Variants in BCAS3 observed in about 807,000 individuals in gnomAD.
The protein encoded by BCAS3 is BCAS4/BCAS3 fusion.
Under a neutral mutation model 116.1 loss-of-function variants are expected in BCAS3, and 53 were observed. The ratio of observed to expected loss-of-function variants is 0.46; its 90% CI spans 0.37 to 0.57. BCAS3 has a LOEUF of 0.57. Among genes scored for constraint, BCAS3 ranks in the 20% least tolerant of loss-of-function variants. The pLI is 0.00. For missense variants in BCAS3, 917 were observed against 1,165.4 expected (o/e 0.79, Z 3.10); for synonymous variants, 391 against 408.2 (o/e 0.96, Z 0.51).
rs1300414298 is a variant in BCAS3 at position 61,105,029 on chromosome 17, C to T, written c.2425+20465C>T. ...TACTTCAGGTAACCTCCGTGGGTTT[C>T]CTCACTGCTGTTGGCTCAGCTGTGG... On this transcript the variant is annotated intron_variant, in intron 22 of 23. Coordinates refer to ENST00000407086, the MANE Select transcript of BCAS3 (RefSeq NM_017679.5). The surrounding 1 kb of genome is among the most constrained non-coding windows in gnomAD (Gnocchi z 4.3). Among the ~76,000 whole-genome samples the T allele has an allele frequency of 6.6e-6, 1 of 152,202 alleles. No homozygotes were observed. The highest frequency in any genetic ancestry group is 2.4e-5 in the African/African-American group (1 of 41,450).
In BCAS3 at chr17:61,069,994, A is replaced by G. The variant is rs893137910; in HGVS notation, c.2030-4926A>G. On this transcript the variant is annotated intron_variant, in intron 19 of 23. Coordinates refer to ENST00000407086, the MANE Select transcript of BCAS3 (RefSeq NM_017679.5). ...CAGCCACAAAAAGAAGAAGATCCGCACGTCACCCACCTTCCGGCAGCCGAA... is the reference window on the plus strand; with the variant it reads ...CAGCCACAAAAAGAAGAAGATCCGCGCGTCACCCACCTTCCGGCAGCCGAA... The G allele has an allele frequency of 3.8e-6, 6 of 1,590,706 alleles. No individual in the cohort carries two copies. In the Admixed American group the frequency reaches 1.0e-4, roughly 27 times the overall value.
At chr17:60,952,769 C>G (rs1341047119) in intron 14 of BCAS3, among the ~76,000 whole-genome samples, 1 of 152,024 alleles carries the variant, frequency 6.6e-6, no homozygotes, top group Non-Finnish European at 1.5e-5. Flanking sequence ...CTCCCTCCTT[C>G]CATCTTCCAC....
intron 7 of BCAS3, among the ~76,000 whole-genome samples, chr17:60,824,092 CTT>C (rs1159347419): frequency 6.6e-6 from 1 of 152,078 alleles, no homozygotes; most frequent in African/African-American, 2.4e-5. Context: ...ATTCATTTTT[CTT>C]TCTCTTGAGT....
rs1472727875 is a variant in BCAS3, at chr17:61,365,505, T to C, written c.2426-2822T>C. ...CCCGCCACCATGCCCAGCTAACTTTTGTATTTTTAGTCGAGATGGCGTTTC... is the reference window on the plus strand; with the variant it reads ...CCCGCCACCATGCCCAGCTAACTTTCGTATTTTTAGTCGAGATGGCGTTTC... On this transcript the variant is annotated intron_variant, in intron 22 of 23. Transcript: ENST00000407086. The surrounding 1 kb of genome is among the most constrained non-coding windows in gnomAD (Gnocchi z 4.6). 1.3e-5 allele frequency among the ~76,000 whole-genome samples: 2 copies of C among 152,150 alleles called. No individual in the cohort carries two copies. The highest frequency in any genetic ancestry group is 6.5e-5 in the Admixed American group (1 of 15,276).
intron 4 of BCAS3, among the ~76,000 whole-genome samples, chr17:60,693,434 A>G (rs1263774172): frequency 6.6e-6 from 1 of 151,100 alleles, no homozygotes; most frequent in Non-Finnish European, 1.5e-5. Context: ...TTTTTGACAG[A>G]GTCTCACTTT....
At chr17:60,873,454 T>C (rs1042781849) in intron 8 of BCAS3, among the ~76,000 whole-genome samples, 1 of 152,192 alleles carries the variant, frequency 6.6e-6, no homozygotes, top group Non-Finnish European at 1.5e-5. Context: ...AATAAGCTAT[T>C]AGTTTGTTAA....
At position 61,387,247 on chromosome 17, in the gene BCAS3, G is replaced by C. The variant is rs1185350693; in HGVS notation, c.2594-4730G>C. 6.6e-6 allele frequency among the ~76,000 whole-genome samples: 1 copy of C among 152,212 alleles called. No homozygotes were observed. Among genetic ancestry groups the C allele is most frequent in the Admixed American group, 6.5e-5 (1 of 15,282 alleles). On this transcript the variant is annotated intron_variant, in intron 23 of 23. Transcript: ENST00000407086. This position sits in a 1 kb window ranked among gnomAD's most constrained non-coding sequence, Gnocchi z 6.2. ...CTGCACTGTGGGTGGAGGTGCATGGGCCCATGCTGCACGGCCCAGCTCAGG... is the reference window on the plus strand; with the variant it reads ...CTGCACTGTGGGTGGAGGTGCATGGCCCCATGCTGCACGGCCCAGCTCAGG...
rs1045881947 is a variant in BCAS3 at position 61,235,713 on chromosome 17, AAGG to A, written c.2426-132611_2426-132609del. The stretch of plus-strand genomic sequence containing the variant: ...TTTTGAATTGTTTAAAAAAAAAAAA[AAGG>A]AGAAGAAGGAGAAAGAAAGACAAGG... On this transcript the variant is annotated intron_variant, in intron 22 of 23. Transcript: ENST00000407086. The surrounding 1 kb of genome is among the most constrained non-coding windows in gnomAD (Gnocchi z 5.0). Among the ~76,000 whole-genome samples, 1 of 151,618 alleles carries A rather than the reference AAGG, an allele frequency of 6.6e-6. No homozygotes were observed. Among genetic ancestry groups the A allele is most frequent in the African/African-American group, 2.4e-5 (1 of 41,260 alleles).
intron 22 of BCAS3, among the ~76,000 whole-genome samples, chr17:61,109,464 A>G (rs1359061760): frequency 6.6e-6 from 1 of 152,160 alleles, no homozygotes; most frequent in African/African-American, 2.4e-5. Flanking sequence ...GTAGATTCCT[A>G]GTAGTGGGAT....
intron 22 of BCAS3, among the ~76,000 whole-genome samples, chr17:61,335,604 CT>C (rs2056658402): frequency 6.6e-6 from 1 of 152,168 alleles, no homozygotes; most frequent in Non-Finnish European, 1.5e-5. Flanking sequence ...GAGAAATGCT[CT>C]TCTGGGCCAG....
chr17:60,799,045 T>C (rs978354653), intron 6 of BCAS3, among the ~76,000 whole-genome samples: 8 of 152,248 alleles, frequency 5.3e-5, no homozygotes, highest in African/African-American at 1.2e-4. Flanking sequence ...TTCCTTTGTG[T>C]TGGCTAACAA....
At position 61,315,068 on chromosome 17, in the gene BCAS3, A is replaced by G. The variant is rs1437408139; in HGVS notation, c.2426-53259A>G. ...CCTTGAATCCTCTCCCCAGCATTCC[A>G]GGGGCAGTCTCCTCCACACGCCACA... is the stretch of plus-strand genomic sequence containing the variant. On this transcript the variant is annotated intron_variant, in intron 22 of 23. Transcript: ENST00000407086. The surrounding 1 kb of genome is among the most constrained non-coding windows in gnomAD (Gnocchi z 5.3). Among the ~76,000 whole-genome samples, 6 of 152,080 alleles carry G rather than the reference A, an allele frequency of 3.9e-5. No homozygotes were observed. Among genetic ancestry groups the G allele is most frequent in the African/African-American group, 1.4e-4 (6 of 41,424 alleles).
At position 60,911,123 on chromosome 17, in the gene BCAS3, C is replaced by CTTTTTTTTTTTTT. The variant is rs1162942971; in HGVS notation, c.993+426_993+438dup. On this transcript the variant is annotated intron_variant, in intron 12 of 23. Coordinates refer to ENST00000407086, the MANE Select transcript of BCAS3 (RefSeq NM_017679.5). ...AATAAATTTTTTTCTTTTTTTCTTT[C>CTTTTTTTTTTTTT]TTTTTTTTTTTTTTTTTGAGATGGA... Among the ~76,000 whole-genome samples the CTTTTTTTTTTTTT allele has an allele frequency of 4.6e-3, 405 of 88,180 alleles. 24 individuals carry two copies. The highest frequency in any genetic ancestry group is 0.013 in the Middle Eastern group (1 of 78). The allele number at this position is 88,180 out of a possible 152,430, so 57.8% of individuals were successfully genotyped here. A position where few individuals can be genotyped will look rare whatever the true frequency, so the allele number is the denominator to read the frequency against.
intron 14 of BCAS3, chr17:60,987,239 T>C (rs2063199046): frequency 6.6e-6 from 1 of 151,968 alleles, no homozygotes; most frequent in African/African-American, 2.4e-5. Flanking sequence ...TATACCTCTG[T>C]AGTATAATTT....
rs2077081072 is a variant in BCAS3, at chr17:61,144,285, A to T, written c.2425+59721A>T. ...TGAAGACACAACTATCAGCAAATCC[A>T]TATAAGGCAAGTGACTCCCTACCAT... On this transcript the variant is annotated intron_variant, in intron 22 of 23. Transcript: ENST00000407086. The surrounding 1 kb of genome is among the most constrained non-coding windows in gnomAD (Gnocchi z 5.0). 1.3e-5 allele frequency among the ~76,000 whole-genome samples: 2 copies of T among 152,256 alleles called. No individual in the cohort carries two copies. The highest frequency in any genetic ancestry group is 6.5e-5 in the Admixed American group (1 of 15,292).
At position 60,896,690 on chromosome 17, in the gene BCAS3, T is replaced by C. The variant is rs1249815786; in HGVS notation, c.739-5930T>C. On this transcript the variant is annotated intron_variant, in intron 10 of 23. Transcript: ENST00000407086. ...TTTGTGTGGAATATCTCTTTTTTTTTCCCCTTTACTTTTAGTCTACATATG... is the reference window on the plus strand; with the variant it reads ...TTTGTGTGGAATATCTCTTTTTTTTCCCCCTTTACTTTTAGTCTACATATG... Among the ~76,000 whole-genome samples, 7 of 152,254 alleles carry C rather than the reference T, an allele frequency of 4.6e-5. No individual in the cohort carries two copies. The East Asian group carries it at 5.8e-4, about 13-fold the overall frequency.
At position 61,355,645 on chromosome 17, in the gene BCAS3, T is replaced by C. The variant is rs1281401825; in HGVS notation, c.2426-12682T>C. ...AACTGTACAAATTGGAACAATAACA[T>C]CCACCTCATAAGTTATTGGGATGAT... On this transcript the variant is annotated intron_variant, in intron 22 of 23. Coordinates refer to ENST00000407086, the MANE Select transcript of BCAS3 (RefSeq NM_017679.5). This position sits in a 1 kb window ranked among gnomAD's most constrained non-coding sequence, Gnocchi z 4.2. Among the ~76,000 whole-genome samples the C allele has an allele frequency of 6.6e-6, 1 of 152,212 alleles. No homozygotes were observed. Among genetic ancestry groups the C allele is most frequent in the Non-Finnish European group, 1.5e-5 (1 of 68,042 alleles).
chr17:61,040,947 T>G, intron 19 of BCAS3, 55 bp downstream of exon 19: 1 of 1,449,368 alleles, frequency 6.9e-7, no homozygotes, highest in Non-Finnish European at 9.7e-7. Context: ...GATTTCATCT[T>G]AAAATGCTAG....
At position 61,391,879 on chromosome 17, in the gene BCAS3, C is replaced by T. The variant is rs2060149882; in HGVS notation, c.2594-98C>T. ...CCCCTGCGGAAGGACACAAGTGAACCCAGAATGGTGCCTCAAGGCAGGCAG... is the reference window on the plus strand; with the variant it reads ...CCCCTGCGGAAGGACACAAGTGAACTCAGAATGGTGCCTCAAGGCAGGCAG... On this transcript the variant is annotated intron_variant, in intron 23 of 23. Transcript: ENST00000407086. The surrounding 1 kb of genome is among the most constrained non-coding windows in gnomAD (Gnocchi z 7.7). 5.1e-6 allele frequency: 7 copies of T among 1,366,930 alleles called. No homozygotes were observed. The East Asian group carries it at 1.4e-4, about 27-fold the overall frequency. 84.7% of individuals were successfully genotyped at this position (1,366,930 alleles called of 1,614,324 possible).
Sources: gnomAD v4.1 joint callset for allele counts (sites outside exome capture counted in the v4.1 genomes callset) on GRCh38, gnomAD v4.1.1 for gene constraint, Gnocchi (gnomAD v3.1) non-coding constraint, MANE v1.5 for transcripts, NCBI Gene and HGNC (gene_info 2026-07-23, HGNC 2026-07-21) for gene names.